Variants in JMY observed in about 807,000 individuals in gnomAD.
The protein encoded by JMY is junction-mediating and -regulatory protein.
Under a neutral mutation model 103.3 loss-of-function variants are expected in JMY, and 46 were observed. The observed-to-expected ratio is 0.45, with a 90% CI of 0.35 to 0.57. The LOEUF is 0.57. Ranked by LOEUF, JMY falls within the 20% of genes least tolerant of loss-of-function variation. The pLI is 0.00. For synonymous variants in JMY, 526 were observed against 489.3 expected (o/e 1.07, Z -0.99); for missense variants, 1,238 against 1,255.2 (o/e 0.99, Z 0.21).
Position 79,314,258 on chromosome 5 carries a change from G to T in JMY, c.2066G>T (p.Arg689Met). ...TTCCAATAACTTCTGGTATTTTAGA[G>T]GTATCCTGGGCAAGTCATACTTAAA... ...TLDRLRTFKQ[R>M]YPGQVILKST... The change falls in exon 9 of 11, where the codon AGG becomes ATG. Residue 689 changes from arginine to methionine, a missense_variant and splice_region_variant. Arg to Met is a moderately conservative substitution (Grantham distance 91). Transcript: ENST00000396137. The T allele has an allele frequency of 6.2e-7, 1 of 1,602,428 alleles. No individual in the cohort carries two copies. Among genetic ancestry groups the T allele is most frequent in the Non-Finnish European group, 8.5e-7 (1 of 1,175,204 alleles).
rs1430984923 is a variant in JMY, at chr5:79,265,780, C to G, written c.1033-12130C>G. 4.5e-4 allele frequency among the ~76,000 whole-genome samples: 52 copies of G among 116,206 alleles called. 1 individual carries two copies. The Admixed American group carries it at 4.8e-3, about 11-fold the overall frequency. The allele number at this position is 116,206 out of a possible 152,430, so 76.2% of individuals were successfully genotyped here. ...CCCAGATTGCTCATCTGTGATGATT[C>G]TTTTTTTTTTTTTTTTTTTTGAGGC... On this transcript the variant is annotated intron_variant, in intron 1 of 10. Transcript: ENST00000396137.
rs897370507 is a variant in JMY, at chr5:79,237,146, G to A, written c.496G>A (p.Ala166Thr). The change falls in exon 1 of 11, where the codon GCA (alanine) becomes ACA (threonine). Residue 166 changes from alanine (A) to threonine (T), a missense_variant. By Grantham distance (58) the Ala-to-Thr change is moderately conservative. Transcript: ENST00000396137. ...CGACGATGCGGCGGGGGCAGCCGCTGCAGCAGCCCGGCCGGCGCCCAGAGA... is the reference window on the plus strand; with the variant it reads ...CGACGATGCGGCGGGGGCAGCCGCTACAGCAGCCCGGCCGGCGCCCAGAGA... ...EADDAAGAAA[A>T]AARPAPREAQ... is the part of the protein sequence containing the mutation. The A allele has an allele frequency of 1.3e-6, 2 of 1,548,462 alleles. No homozygotes were observed. The highest frequency in any genetic ancestry group is 1.7e-6 in the Non-Finnish European group (2 of 1,145,972).
At chr5:79,313,711 A>G (rs1224021271) in intron 8 of JMY, among the ~76,000 whole-genome samples, 1 of 152,168 alleles carries the variant, frequency 6.6e-6, no homozygotes, top group Non-Finnish European at 1.5e-5. Context: ...AGTTTTATTC[A>G]CTAAAAATCT....
intron 1 of JMY, among the ~76,000 whole-genome samples, chr5:79,276,590 C>T (rs1400212489): frequency 6.6e-6 from 1 of 151,924 alleles, no homozygotes. Flanking sequence ...TTTTTTCTCC[C>T]AAGAAATCTT....
chr5:79,312,531 C>CT (rs35852788), intron 8 of JMY, 33 bp downstream of exon 8: 7,835 of 855,314 alleles, frequency 9.2e-3, no homozygotes, highest in South Asian at 0.012. Flanking sequence ...TATTGTTTTT[C>CT]TTTTTTTTTT....
At chr5:79,265,998 T>C (rs558684424) in intron 1 of JMY, among the ~76,000 whole-genome samples, 63 of 152,216 alleles carry the variant, frequency 4.1e-4, no homozygotes, top group Non-Finnish European at 8.4e-4. Flanking sequence ...GCCATGCTGG[T>C]CTCGAACTCC....
Position 79,314,484 on chromosome 5 carries a change from A to G in JMY, c.2292A>G (p.Thr764=), listed in dbSNP as rs199837187. 1,101 of 1,614,130 alleles carry G rather than the reference A, an allele frequency of 6.8e-4. 8 individuals carry two copies. The highest frequency in any genetic ancestry group is 2.7e-4 in the African/African-American group (20 of 75,028). Residue 764 remains threonine, a synonymous_variant, in exon 9 of 11, where the codon ACA becomes ACG. Transcript: ENST00000396137. ...TGCAACTTGAAGATACTTCATTAAC[A>G]CAACTTGAAGCCACCTCATTACCTC... ...SLVQLEDTSL[T]QLEATSLPLS... is the part of the protein sequence containing the mutation.
In JMY at chr5:79,316,147, A is replaced by G. The variant is rs1747210467; in HGVS notation, c.2807A>G (p.Lys936Arg). 1 of 1,614,186 alleles carries G rather than the reference A, an allele frequency of 6.2e-7. No homozygotes were observed. The highest frequency in any genetic ancestry group is 1.6e-4 in the Middle Eastern group (1 of 6,062). Residue 936 changes from lysine (K) to arginine (R), a missense_variant, in exon 10 of 11, where the codon AAG (lysine) becomes AGG (arginine). By Grantham distance (26) the Lys-to-Arg change is conservative. Coordinates refer to ENST00000396137, the MANE Select transcript of JMY (RefSeq NM_152405.5). ...CAAATAAGGAAAGGGGTAAAATTGA[A>G]GAAGGTACAGAAGGATGTTTTGAGA... ...LAQIRKGVKL[K>R]KVQKDVLRES...
At chr5:79,306,248 CAA>C in intron 6 of JMY, 125 bp from the exon 7 acceptor site, 2 of 640,782 alleles carry the variant, frequency 3.1e-6, no homozygotes, top group Non-Finnish European at 5.5e-6. Flanking sequence ...AAATAAGAAA[CAA>C]GAGGTGGTCA....
At chr5:79,253,834 C>T (rs1745160720) in intron 1 of JMY, among the ~76,000 whole-genome samples, 1 of 151,680 alleles carries the variant, frequency 6.6e-6, no homozygotes, top group South Asian at 2.1e-4. Context: ...TATGCCACCA[C>T]TCTTTATTTT....
intron 1 of JMY, among the ~76,000 whole-genome samples, chr5:79,250,844 G>A (rs1368910289): frequency 6.6e-6 from 1 of 150,918 alleles, no homozygotes; most frequent in Admixed American, 6.6e-5. Flanking sequence ...ATCTTTCATT[G>A]CACTTTTACA....
rs559671137 is a variant in JMY at position 79,325,650 on chromosome 5, C to T, written c.*4048C>T. On this transcript the variant is annotated 3_prime_UTR_variant, in exon 11 of 11. Coordinates refer to ENST00000396137, the MANE Select transcript of JMY (RefSeq NM_152405.5). ...TAGAGCATGTTGCATCTATTTAGTG[C>T]TACTGAACAATTCAGTAGTTATTTC... is the stretch of plus-strand genomic sequence containing the variant. The T allele has an allele frequency of 8.5e-5, 13 of 152,232 alleles. No homozygotes were observed. In the South Asian group the frequency reaches 1.2e-3, roughly 15 times the overall value. 9.4% of individuals were successfully genotyped at this position (152,232 alleles called of 1,614,324 possible).
At chr5:79,276,523 G>A (rs967050715) in intron 1 of JMY, among the ~76,000 whole-genome samples, 3 of 151,678 alleles carry the variant, frequency 2.0e-5, no homozygotes, top group Non-Finnish European at 2.9e-5. Flanking sequence ...CCGTCCTCCT[G>A]GGCTCAATTC....
rs1459233716 is a variant in JMY, at chr5:79,323,841, G to T, written c.*2239G>T. The T allele has an allele frequency of 1.3e-5, 2 of 152,016 alleles. No homozygotes were observed. The highest frequency in any genetic ancestry group is 3.9e-4 in the East Asian group (2 of 5,184). 9.4% of individuals were successfully genotyped at this position (152,016 alleles called of 1,614,324 possible). A position where few individuals can be genotyped will look rare whatever the true frequency, so the allele number is the denominator to read the frequency against. On this transcript the variant is annotated 3_prime_UTR_variant, in exon 11 of 11. Coordinates refer to ENST00000396137, the MANE Select transcript of JMY (RefSeq NM_152405.5). The stretch of plus-strand genomic sequence containing the variant: ...CTCTAGCAAAGAGTGGAGGGTGGAG[G>T]GTGTGTAGAACTCCACTCAGCCTCA...
intron 1 of JMY, among the ~76,000 whole-genome samples, chr5:79,257,719 A>G (rs10056908): frequency 1 from 152,297 of 152,312 alleles, 76,141 homozygotes; most frequent in Middle Eastern, 1. Context: ...CGGACCCCTC[A>G]TGCCCCTTAA....
At position 79,314,485 on chromosome 5, in the gene JMY, C is replaced by T; in HGVS notation, c.2293C>T (p.Gln765Ter). The T allele has an allele frequency of 6.2e-7, 1 of 1,614,190 alleles. No individual in the cohort carries two copies. The highest frequency in any genetic ancestry group is 8.5e-7 in the Non-Finnish European group (1 of 1,180,026). ...LVQLEDTSLT[Q>*]LEATSLPLSG... ...GCAACTTGAAGATACTTCATTAACA[C>T]AACTTGAAGCCACCTCATTACCTCT... Residue 765 changes from glutamine to a stop codon, truncating the protein, a stop_gained, in exon 9 of 11, where the codon CAA becomes TAA. Transcript: ENST00000396137. LOFTEE classifies it high-confidence loss of function.
chr5:79,324,555 C>G lies in JMY; in HGVS notation c.*2953C>G, dbSNP rs1747569869. On this transcript the variant is annotated 3_prime_UTR_variant, in exon 11 of 11. Transcript: ENST00000396137. ...CTTGACTGTCAATTTCAAATGGCTC[C>G]TAATGCAACCAAAATTATAACCAAT... The G allele has an allele frequency of 6.6e-6, 1 of 152,122 alleles. No individual in the cohort carries two copies. Among genetic ancestry groups the G allele is most frequent in the African/African-American group, 2.4e-5 (1 of 41,432 alleles). The allele number at this position is 152,122 out of a possible 1,614,324, so 9.4% of individuals were successfully genotyped here.
intron 1 of JMY, among the ~76,000 whole-genome samples, chr5:79,238,648 C>CTTG (rs1481588551): frequency 2.5e-5 from 3 of 120,688 alleles, no homozygotes; most frequent in Non-Finnish European, 5.1e-5. Context: ...TCCGCGCCTT[C>CTTG]TTTTTTTTTT....
chr5:79,312,628 G>T, intron 8 of JMY, 130 bp downstream of exon 8: 1 of 436,832 alleles, frequency 2.3e-6, no homozygotes. Context: ...TTATAACCAT[G>T]GAAGTCCTTT....
Sources: allele counts gnomAD v4.1 joint callset (sites outside exome capture counted in the v4.1 genomes callset), GRCh38; gene constraint gnomAD v4.1.1; transcripts MANE v1.5; gene names NCBI Gene and HGNC (gene_info 2026-07-23, HGNC 2026-07-21).